Variants in FBXW10B observed in about 807,000 individuals in gnomAD.
The protein encoded by FBXW10B is F-box and WD repeat domain containing 10B.
the FBXW10B span, chr17:15,588,688 G>A: frequency 7.9e-6 from 5 of 635,480 alleles, no homozygotes; most frequent in Non-Finnish European, 1.4e-5. Flanking sequence ...CTTTCTTATT[G>A]TAAGTTTGTT....
At chr17:15,610,180 A>G in the FBXW10B span, among the ~76,000 whole-genome samples, 2 of 151,998 alleles carry the variant, frequency 1.3e-5, no homozygotes, top group Admixed American at 1.3e-4. Flanking sequence ...TAAATTACAC[A>G]TGTAAGAATT....
chr17:15,566,280 C>G, the FBXW10B span: 1 of 1,596,868 alleles, frequency 6.3e-7, no homozygotes, highest in Non-Finnish European at 8.5e-7. Flanking sequence ...TTTTCCAAGA[C>G]TTTTTCTTTG....
the FBXW10B span, among the ~76,000 whole-genome samples, chr17:15,611,430 C>T: frequency 1.3e-5 from 2 of 152,162 alleles, no homozygotes; most frequent in Non-Finnish European, 2.9e-5. Context: ...TTTCTATCTT[C>T]CAAGACTTAG....
the FBXW10B span, chr17:15,615,976 A>C: frequency 1.2e-6 from 1 of 812,690 alleles, no homozygotes; most frequent in African/African-American, 1.9e-5. Flanking sequence ...TCTATGCAAA[A>C]ATCTCAGAAA....
chr17:15,599,575 T>C, the FBXW10B span, among the ~76,000 whole-genome samples: 5 of 147,862 alleles, frequency 3.4e-5, no homozygotes, highest in Admixed American at 3.4e-4. Flanking sequence ...TGGCACTGAT[T>C]CCACGGTACA....
chr17:15,612,478 C>T, the FBXW10B span, among the ~76,000 whole-genome samples: 1 of 151,846 alleles, frequency 6.6e-6, no homozygotes, highest in Non-Finnish European at 1.5e-5. Flanking sequence ...TGTGCCACTG[C>T]ACTCCAGCCT....
the FBXW10B span, among the ~76,000 whole-genome samples, chr17:15,571,044 C>G: frequency 2.6e-5 from 4 of 152,276 alleles, no homozygotes; most frequent in African/African-American, 9.6e-5. Flanking sequence ...AAGAAAACAA[C>G]CTTAAAAATA....
chr17:15,619,420 C>T, the FBXW10B span: 13 of 1,613,946 alleles, frequency 8.1e-6, no homozygotes, highest in Non-Finnish European at 1.1e-5. Context: ...CTAAGACACG[C>T]GTCTCACACT....
At chr17:15,592,302 T>G in the FBXW10B span, among the ~76,000 whole-genome samples, 7 of 150,608 alleles carry the variant, frequency 4.6e-5, no homozygotes, top group South Asian at 4.2e-4. Flanking sequence ...AGAGTTTTTT[T>G]TTTTTTTTTT....
chr17:15,591,244 T>C, the FBXW10B span, among the ~76,000 whole-genome samples: 1 of 152,170 alleles, frequency 6.6e-6, no homozygotes, highest in African/African-American at 2.4e-5. Flanking sequence ...CCTTATTTGT[T>C]TAAGGATAGT....
chr17:15,580,267 T>G, the FBXW10B span, among the ~76,000 whole-genome samples: 31,298 of 152,066 alleles, frequency 0.21, 3,342 homozygotes, highest in Middle Eastern at 0.25. Context: ...TTGTTGAAAA[T>G]TAGAACTTTT....
chr17:15,601,036 C>T, the FBXW10B span, among the ~76,000 whole-genome samples: 16,428 of 87,640 alleles, frequency 0.19, 1,832 homozygotes, highest in East Asian at 0.32. Context: ...GGCAACAGAG[C>T]GAGACTCCAT....
the FBXW10B span, among the ~76,000 whole-genome samples, chr17:15,617,173 T>C: frequency 8.5e-5 from 13 of 152,342 alleles, no homozygotes; most frequent in East Asian, 5.8e-4. Flanking sequence ...CTTCATTCTA[T>C]ATTATCATTC....
chr17:15,614,641 G>T, the FBXW10B span, among the ~76,000 whole-genome samples: 1 of 152,112 alleles, frequency 6.6e-6, no homozygotes, highest in Admixed American at 6.5e-5. Context: ...AACAACTTAA[G>T]AAAGGGGGGA....
the FBXW10B span, among the ~76,000 whole-genome samples, chr17:15,582,495 T>G: frequency 6.6e-6 from 1 of 152,220 alleles, no homozygotes; most frequent in Admixed American, 6.5e-5. Flanking sequence ...ATATATTCTC[T>G]CTTTATTCCA....
the FBXW10B span, among the ~76,000 whole-genome samples, chr17:15,570,546 T>A: frequency 6.6e-6 from 1 of 152,188 alleles, no homozygotes. Flanking sequence ...TGAAGGCTGT[T>A]CTATAGGAAC....
At chr17:15,593,464 G>A in the FBXW10B span, 22 of 1,614,132 alleles carry the variant, frequency 1.4e-5, no homozygotes, top group South Asian at 6.6e-5. Flanking sequence ...CTGATGACCC[G>A]GAGGAAGAGA....
chr17:15,588,910 A>C, the FBXW10B span: 1 of 1,613,856 alleles, frequency 6.2e-7, no homozygotes, highest in Non-Finnish European at 8.5e-7. Flanking sequence ...TGCCATTCTG[A>C]CCTTGGGGGT....
the FBXW10B span, among the ~76,000 whole-genome samples, chr17:15,584,968 C>CTTTTTTTT: frequency 2.4e-5 from 3 of 125,902 alleles, no homozygotes; most frequent in Non-Finnish European, 3.3e-5. Flanking sequence ...CCTTCTTCTT[C>CTTTTTTTT]TTTTTTTTTT....
Sources: allele counts gnomAD v4.1 joint callset (sites outside exome capture counted in the v4.1 genomes callset), GRCh38; gene constraint gnomAD v4.1.1; transcripts MANE v1.5; gene names NCBI Gene and HGNC (gene_info 2026-07-23, HGNC 2026-07-21).